ARHGAP28: variants seen among roughly 807,000 people sequenced by gnomAD.
ARHGAP28 encodes Rho GTPase activating protein 28.
Under a neutral mutation model 90.7 loss-of-function variants are expected in ARHGAP28, and 56 were observed. The ratio of observed to expected loss-of-function variants is 0.62; its 90% confidence interval spans 0.50 to 0.77. The LOEUF is 0.77. Among genes scored for constraint, ARHGAP28 ranks in the 30% least tolerant of loss-of-function variants. ARHGAP28 has a pLI of 0.00. For missense variants in ARHGAP28, 869 were observed against 900.9 expected, an observed-to-expected ratio of 0.96 and a Z score of 0.45; for synonymous variants, 308 against 323.3, an observed-to-expected ratio of 0.95 and a Z score of 0.51.
chr18:6,860,883 G>T (rs1282091895), intron 5 of ARHGAP28, among the ~76,000 whole-genome samples: 2 of 152,162 alleles, frequency 1.3e-5, no homozygotes, highest in African/African-American at 4.8e-5. Context: ...GTAGGTTATG[G>T]CATAAATAGG....
chr18:6,903,233 C>A (rs994877937), intron 16 of ARHGAP28, among the ~76,000 whole-genome samples: 6 of 152,048 alleles, frequency 3.9e-5, no homozygotes, highest in African/African-American at 1.4e-4. Flanking sequence ...GCTGGTTATG[C>A]TTGTACAACA....
At chr18:6,790,935 C>A (rs2056402137) in intron 1 of ARHGAP28, 1 of 152,004 alleles carries the variant, frequency 6.6e-6, no homozygotes, top group African/African-American at 2.4e-5. Flanking sequence ...CACATTGTCC[C>A]CTTTTGATAT....
At chr18:6,775,629 G>A (rs1028548115) in intron 1 of ARHGAP28, among the ~76,000 whole-genome samples, 1 of 152,188 alleles carries the variant, frequency 6.6e-6, no homozygotes, top group Non-Finnish European at 1.5e-5. Flanking sequence ...GTTCATTTGT[G>A]AAAGTAATAA....
chr18:6,890,591 AC>A, intron 14 of ARHGAP28, 48 bp downstream of exon 14: 1 of 1,265,000 alleles, frequency 7.9e-7, no homozygotes. Flanking sequence ...CTAGATTTGT[AC>A]TCCTCAAAGG....
At chr18:6,738,475 G>A (rs536017770) in intron 1 of ARHGAP28, among the ~76,000 whole-genome samples, 5 of 152,024 alleles carry the variant, frequency 3.3e-5, no homozygotes, top group East Asian at 3.9e-4. Context: ...AGAAAACACT[G>A]ATCAATGCAT....
chr18:6,881,359 T>G (rs1030455076), intron 10 of ARHGAP28, among the ~76,000 whole-genome samples: 1 of 152,218 alleles, frequency 6.6e-6, no homozygotes, highest in Non-Finnish European at 1.5e-5. Context: ...AGACTGACTA[T>G]AACTGCTGGC....
rs72893674 is a variant in ARHGAP28, at chr18:6,821,024, A to G, written c.123-3738A>G. Reference sequence around the variant, plus strand: ...ATGTATTTAGTTTTTCAAAAAACTTACTATTTTAAAGCAACAACAATAATA... The same window carrying G: ...ATGTATTTAGTTTTTCAAAAAACTTGCTATTTTAAAGCAACAACAATAATA... On this transcript the variant is annotated intron_variant, in intron 1 of 17. Transcript: ENST00000383472. Among the ~76,000 whole-genome samples the G allele has an allele frequency of 2.1e-3, 323 of 152,366 alleles. 1 individual carries two copies. The highest frequency in any genetic ancestry group is 3.8e-3 in the Non-Finnish European group (261 of 68,030).
intron 16 of ARHGAP28, among the ~76,000 whole-genome samples, chr18:6,899,298 T>C (rs117235548): frequency 8.5e-5 from 13 of 152,132 alleles, no homozygotes; most frequent in Non-Finnish European, 1.5e-4. Context: ...AGAGAAAGAC[T>C]CTGAAAGGTG....
At chr18:6,849,271 A>C (rs2056890819) in intron 3 of ARHGAP28, among the ~76,000 whole-genome samples, 1 of 151,384 alleles carries the variant, frequency 6.6e-6, no homozygotes, top group Non-Finnish European at 1.5e-5. Flanking sequence ...AAAAAAAAAA[A>C]AAAAGTTAAC....
intron 16 of ARHGAP28, among the ~76,000 whole-genome samples, chr18:6,905,091 CA>C (rs922685413): frequency 4.0e-5 from 6 of 149,912 alleles, no homozygotes; most frequent in South Asian, 2.1e-4. Context: ...ACCCTGATAC[CA>C]AAAAAAAGCC....
intron 1 of ARHGAP28, among the ~76,000 whole-genome samples, chr18:6,731,823 T>C (rs2143101600): frequency 6.6e-6 from 1 of 152,358 alleles, no homozygotes; most frequent in East Asian, 1.9e-4. Flanking sequence ...AACCTTTGAC[T>C]CACTAACTAA....
At chr18:6,731,994 T>G (rs2143102974) in intron 1 of ARHGAP28, among the ~76,000 whole-genome samples, 1 of 152,286 alleles carries the variant, frequency 6.6e-6, no homozygotes, top group African/African-American at 2.4e-5. Flanking sequence ...CGTGGACTTT[T>G]GTATCTGCGT....
chr18:6,873,696 T>G lies in ARHGAP28; in HGVS notation c.1133T>G (p.Phe378Cys). 1 of 1,614,124 alleles carries G rather than the reference T, an allele frequency of 6.2e-7. No homozygotes were observed. The highest frequency in any genetic ancestry group is 8.5e-7 in the Non-Finnish European group (1 of 1,179,996). The change falls in exon 9 of 18, where the codon TTT becomes TGT. Residue 378 changes from phenylalanine (F) to cysteine (C), a missense_variant. Coordinates refer to ENST00000383472, the MANE Select transcript of ARHGAP28 (RefSeq NM_001366230.1). ...TCTCACAATGAAGACAATGGGATTT[T>G]TGGAGTTCCACTTACAGTCCTCCTG... ...EKVKGRDNGIFGVPLTVLLDG... is the reference protein window; with the variant it reads ...EKVKGRDNGICGVPLTVLLDG...
In ARHGAP28 at chr18:6,896,535, G is replaced by A. The variant is rs1203525791; in HGVS notation, c.1939G>A (p.Ala647Thr). Residue 647 changes from alanine to threonine, a missense_variant, in exon 16 of 18, where the codon GCT (alanine) becomes ACT (threonine). Ala to Thr is a moderately conservative substitution (Grantham distance 58). Transcript: ENST00000383472. ...GCCGGAAGGAGTCATACGGGTCCATGCTCCACTTCTCTCCAAGGTGTCCAT... is the reference window on the plus strand; with the variant it reads ...GCCGGAAGGAGTCATACGGGTCCATACTCCACTTCTCTCCAAGGTGTCCAT... ...DVPEGVIRVHAPLLSKVSMAI... is the reference protein window; with the variant it reads ...DVPEGVIRVHTPLLSKVSMAI... 5.6e-6 allele frequency: 9 copies of A among 1,613,994 alleles called. No individual in the cohort carries two copies. The highest frequency in any genetic ancestry group is 7.6e-6 in the Non-Finnish European group (9 of 1,180,012).
chr18:6,827,548 C>T (rs1264800369), intron 2 of ARHGAP28, among the ~76,000 whole-genome samples: 6 of 143,160 alleles, frequency 4.2e-5, no homozygotes, highest in East Asian at 2.2e-4. Context: ...GGGGCTGACC[C>T]CCCCACCTCC....
chr18:6,746,678 G>A (rs1354628475), intron 1 of ARHGAP28, among the ~76,000 whole-genome samples: 3 of 152,254 alleles, frequency 2.0e-5, no homozygotes, highest in African/African-American at 7.2e-5. Context: ...CAAGGAATCA[G>A]TGAAGAGTCC....
intron 1 of ARHGAP28, among the ~76,000 whole-genome samples, chr18:6,820,369 CAG>C (rs1014302508): frequency 6.6e-6 from 1 of 151,990 alleles, no homozygotes; most frequent in African/African-American, 2.4e-5. Flanking sequence ...TTAACTGAAG[CAG>C]AGAGAGAGTT....
At chr18:6,832,661 T>C (rs879770237) in intron 2 of ARHGAP28, among the ~76,000 whole-genome samples, 1 of 152,052 alleles carries the variant, frequency 6.6e-6, no homozygotes, top group Non-Finnish European at 1.5e-5. Context: ...TCCTCAATAC[T>C]CTTAGTAATA....
chr18:6,857,707 G>A (rs1303834084), intron 4 of ARHGAP28, among the ~76,000 whole-genome samples: 2 of 152,192 alleles, frequency 1.3e-5, no homozygotes, highest in African/African-American at 2.4e-5. Context: ...TTCACCTAAG[G>A]ACACAGTGTG....
Sources: allele counts gnomAD v4.1 joint callset (sites outside exome capture counted in the v4.1 genomes callset), GRCh38; gene constraint gnomAD v4.1.1; transcripts MANE v1.5; gene names NCBI Gene and HGNC (gene_info 2026-07-23, HGNC 2026-07-21).